Variants in HEATR4 observed in about 807,000 individuals in gnomAD.
HEATR4 encodes HEAT repeat containing 4, also known as HEAT repeat-containing protein 4.
Under a neutral mutation model 108.8 loss-of-function variants are expected in HEATR4, and 95 were observed. The ratio of observed to expected loss-of-function variants is 0.87; its 90% confidence interval spans 0.74 to 1.04. The LOEUF is 1.04. Ranked by LOEUF, HEATR4 falls within the 50% of genes least tolerant of loss-of-function variation. The probability of loss-of-function intolerance (pLI) is 0.00; values close to 1 mark genes in which losing one functional copy is unlikely to be tolerated. For synonymous variants in HEATR4, 443 were observed against 459.4 expected, an observed-to-expected ratio of 0.96 and a Z score of 0.46; for missense variants, 1,152 against 1,253.8, an observed-to-expected ratio of 0.92 and a Z score of 1.23.
chr14:73,618,991 G>A, the HEATR4 span, among the ~76,000 whole-genome samples: 467 of 152,030 alleles, frequency 3.1e-3, 3 homozygotes, highest in South Asian at 5.4e-3. Flanking sequence ...TTAGCCGGGC[G>A]TGGTGGTGGG....
At chr14:73,593,506 T>TA in the HEATR4 span, among the ~76,000 whole-genome samples, 405 of 139,904 alleles carry the variant, frequency 2.9e-3, no homozygotes, top group Middle Eastern at 7.1e-3. Flanking sequence ...ACTGACTAAT[T>TA]AAAAAAAAAA....
At chr14:73,565,269 T>C in the HEATR4 span, among the ~76,000 whole-genome samples, 1 of 152,122 alleles carries the variant, frequency 6.6e-6, no homozygotes, top group Non-Finnish European at 1.5e-5. Context: ...CATCAATATA[T>C]GAGTTTCTTT....
At chr14:73,599,210 G>T in the HEATR4 span, among the ~76,000 whole-genome samples, 1 of 152,028 alleles carries the variant, frequency 6.6e-6, no homozygotes, top group Admixed American at 6.6e-5. Flanking sequence ...TTAAATCTCG[G>T]TGGAGACTTC....
At chr14:73,578,621 A>G in the HEATR4 span, among the ~76,000 whole-genome samples, 1 of 152,184 alleles carries the variant, frequency 6.6e-6, no homozygotes, top group South Asian at 2.1e-4. Flanking sequence ...CGAAAAGTTC[A>G]TTAAACTAAC....
Position 73,558,750 on chromosome 14 carries a change from C to A in HEATR4, c.-152+1G>T, listed in dbSNP as rs1266379764. 1 of 151,188 alleles carries A rather than the reference C, an allele frequency of 6.6e-6. No individual in the cohort carries two copies. The highest frequency in any genetic ancestry group is 2.4e-5 in the African/African-American group (1 of 41,126). The allele number at this position is 151,188 out of a possible 1,614,324, so 9.4% of individuals were successfully genotyped here. A position where few individuals can be genotyped will look rare whatever the true frequency, so the allele number is the denominator to read the frequency against. Reference sequence around the variant, plus strand: ...TGCTTGGTATCTAAAGTAGTACTGACCCTTTTGACACCTAATCCAAAGTTT... The same window carrying A: ...TGCTTGGTATCTAAAGTAGTACTGAACCTTTTGACACCTAATCCAAAGTTT... On this transcript the variant is annotated splice_donor_variant, in intron 1 of 17. Transcript: ENST00000553558. LOFTEE classifies it low-confidence loss of function (5UTR_SPLICE).
At chr14:73,491,343 C>A in intron 17 of HEATR4, 1 of 1,441,426 alleles carries the variant, frequency 6.9e-7, no homozygotes, top group Non-Finnish European at 9.1e-7. Context: ...CTGGAGGCCT[C>A]GCCCGCCGCG....
chr14:73,530,696 G>C lies in HEATR4; in HGVS notation c.-151-452C>G, dbSNP rs1190294954. On this transcript the variant is annotated intron_variant, in intron 1 of 17. Coordinates refer to ENST00000553558, the MANE Select transcript of HEATR4 (RefSeq NM_001220484.1). ...GGGTCTCACTCTCCTGGAGTACAGT[G>C]GCGTGATCATGGCTCACTGCAGCCT... is the stretch of plus-strand genomic sequence containing the variant. 6 of 122,028 alleles carry C rather than the reference G, an allele frequency of 4.9e-5. 1 individual carries two copies. Among genetic ancestry groups the C allele is most frequent in the African/African-American group, 1.6e-4 (6 of 36,520 alleles). 7.6% of individuals were successfully genotyped at this position (122,028 alleles called of 1,614,324 possible).
chr14:73,494,118 C>G (rs1460505970), intron 16 of HEATR4, among the ~76,000 whole-genome samples: 1 of 152,194 alleles, frequency 6.6e-6, no homozygotes, highest in Non-Finnish European at 1.5e-5. Flanking sequence ...GGCTACTGTT[C>G]AAGTTACTTT....
intron 12 of HEATR4, 98 bp from the exon 13 acceptor site, chr14:73,499,238 T>C: frequency 9.5e-7 from 1 of 1,056,432 alleles, no homozygotes; most frequent in Non-Finnish European, 1.5e-6. Context: ...CCCAGCATTT[T>C]GGGATGCCAA....
At position 73,522,723 on chromosome 14, in the gene HEATR4, G is replaced by T. The variant is rs1407283897; in HGVS notation, c.430C>A (p.Pro144Thr). 1.2e-6 allele frequency: 2 copies of T among 1,614,096 alleles called. No homozygotes were observed. The highest frequency in any genetic ancestry group is 8.5e-7 in the Non-Finnish European group (1 of 1,180,050). Residue 144 changes from proline to threonine, a missense_variant, in exon 3 of 18, where the codon CCC becomes ACC. Physicochemically the swap from Pro to Thr is conservative, Grantham distance 38. Transcript: ENST00000553558. ...TTTGATTTCTTCAGCTTCTTTTCGG[G>T]ATTGGCAGAGCTTTCTGTCTTCACA... ...LAVKTESSAN[P>T]EKKLKKSKPA... is the part of the protein sequence containing the mutation.
At chr14:73,502,237 C>A (rs898207148) in intron 11 of HEATR4, among the ~76,000 whole-genome samples, 8 of 152,132 alleles carry the variant, frequency 5.3e-5, no homozygotes, top group Admixed American at 4.6e-4. Flanking sequence ...TGGCCTTACT[C>A]CTCTAGCCAC....
the HEATR4 span, among the ~76,000 whole-genome samples, chr14:73,566,704 C>T: frequency 6.6e-6 from 1 of 152,156 alleles, no homozygotes; most frequent in Non-Finnish European, 1.5e-5. Flanking sequence ...TCAGTTCCCA[C>T]TTGCGCCTCT....
chr14:73,544,311 T>A (rs1259645613), intron 1 of HEATR4, among the ~76,000 whole-genome samples: 3 of 113,980 alleles, frequency 2.6e-5, no homozygotes, highest in African/African-American at 8.5e-5. Context: ...AATAAATTAA[T>A]TAAATAAATA....
chr14:73,591,883 C>T, the HEATR4 span: 136 of 1,299,392 alleles, frequency 1.0e-4, no homozygotes, highest in Middle Eastern at 2.6e-4. Flanking sequence ...GGACGCCGTC[C>T]GGACATTCGG....
chr14:73,517,694 A>G (rs1403208884), intron 5 of HEATR4, among the ~76,000 whole-genome samples: 2 of 144,146 alleles, frequency 1.4e-5, no homozygotes, highest in Admixed American at 7.0e-5. Context: ...AGAAGAAAAG[A>G]GAGAGAGGGA....
chr14:73,537,777 T>C, intron 1 of HEATR4: 1 of 1,233,028 alleles, frequency 8.1e-7, no homozygotes, highest in Non-Finnish European at 1.1e-6. Context: ...CCCGGGCGGC[T>C]GCTGTGCCGG....
At chr14:73,491,690 C>A (rs761481587) in intron 17 of HEATR4, 1 of 1,549,724 alleles carries the variant, frequency 6.5e-7, no homozygotes, top group Admixed American at 2.0e-5. Context: ...CCTATGGGAG[C>A]GCGAGGCGGT....
At position 73,522,470 on chromosome 14, in the gene HEATR4, G is replaced by A. The variant is rs1278091857; in HGVS notation, c.683C>T (p.Ala228Val). 1 of 1,614,218 alleles carries A rather than the reference G, an allele frequency of 6.2e-7. No homozygotes were observed. Among genetic ancestry groups the A allele is most frequent in the Non-Finnish European group, 8.5e-7 (1 of 1,180,040 alleles). The change falls in exon 3 of 18, where the codon GCA becomes GTA. Residue 228 changes from alanine to valine, a missense_variant. Transcript: ENST00000553558. Reference sequence around the variant, plus strand: ...GAAGCTCTGCCACTTGTTGGGGGATGCCCCAGGCCTTCGAGGACGCTTGCT... The same window carrying A: ...GAAGCTCTGCCACTTGTTGGGGGATACCCCAGGCCTTCGAGGACGCTTGCT... ...IQSKRPRRPG[A>V]SPNKWQSFLR...
rs377645543 is a variant in HEATR4 at position 73,496,581 on chromosome 14, C to T, written c.2625+20G>A. On this transcript the variant is annotated intron_variant, in intron 15 of 17. Transcript: ENST00000553558. ...AGAGTCCTGAATTTTCTCTTGAGAA[C>T]AGAGCTTGCACTTATTTACCCTGTT... 2.3e-5 allele frequency: 36 copies of T among 1,534,272 alleles called. No homozygotes were observed. Among genetic ancestry groups the T allele is most frequent in the East Asian group, 4.5e-5 (2 of 44,470 alleles).
Sources: gnomAD v4.1 joint callset for allele counts (sites outside exome capture counted in the v4.1 genomes callset) on GRCh38, gnomAD v4.1.1 for gene constraint, MANE v1.5 for transcripts, NCBI Gene and HGNC (gene_info 2026-07-23, HGNC 2026-07-21) for gene names.